Variants in TEX9 observed in about 807,000 individuals in gnomAD.
The protein encoded by TEX9 is testis-expressed protein 9.
In TEX9, 74 loss-of-function variants were observed where a neutral mutation model predicts 59.6. The observed-to-expected ratio is 1.24, with a 90% CI of 1.03 to 1.51. TEX9 has a LOEUF of 1.51. TEX9 is among the 40% of genes most tolerant of loss of function. The probability of loss-of-function intolerance (pLI) is 0.00; values close to 1 mark genes in which losing one functional copy is unlikely to be tolerated. For synonymous variants in TEX9, 186 were observed against 152.2 expected (o/e 1.22, Z -1.64); for missense variants, 522 against 447.8 (o/e 1.17, Z -1.49).
chr15:56,339,390 A>AAAAAAAAAAAAAAAAAAAAAAC (rs2046323692), intron 1 of TEX9, among the ~76,000 whole-genome samples: 1 of 107,000 alleles, frequency 9.3e-6, no homozygotes, highest in African/African-American at 3.6e-5. Context: ...CTCCAAAAAA[A>AAAAAAAAAAAAAAAAAAAAAAC]AAAAAAAAAA....
Position 56,288,508 on chromosome 15 carries a change from T to A in TEX9, c.-107+44230T>A, listed in dbSNP as rs562827037. ...ATTACTGAAGGATACGTCTACCAGA[T>A]ACAGGATTTTTGGTTGGGAGTTTTT... is the stretch of plus-strand genomic sequence containing the variant. On this transcript the variant is annotated intron_variant, in intron 1 of 5. Coordinates refer to the TEX9 transcript ENST00000560827. 9.7e-4 allele frequency among the ~76,000 whole-genome samples: 147 copies of A among 152,142 alleles called. 1 individual carries two copies. Among genetic ancestry groups the A allele is most frequent in the Non-Finnish European group, 1.6e-3 (110 of 67,996 alleles).
rs374933407 is a variant in TEX9, at chr15:56,434,576, T to C, written c.*29+6103T>C. On this transcript the variant is annotated intron_variant, in intron 12 of 12. Coordinates refer to ENST00000352903, the Ensembl canonical transcript of TEX9. ...AAAACTAGCTGGATAAAGAATATGC[T>C]TACATTTGGATTGTTTTCTGTTACT... 1.3e-3 allele frequency among the ~76,000 whole-genome samples: 202 copies of C among 152,240 alleles called. 1 individual carries two copies. The highest frequency in any genetic ancestry group is 4.8e-3 in the African/African-American group (200 of 41,564).
In TEX9 at chr15:56,411,246, G is replaced by A. The variant is rs530822439; in HGVS notation, c.829-1056G>A. Among the ~76,000 whole-genome samples, 129 of 152,308 alleles carry A rather than the reference G, an allele frequency of 8.5e-4. 1 individual carries two copies. Among genetic ancestry groups the A allele is most frequent in the Non-Finnish European group, 1.6e-3 (106 of 68,030 alleles). ...TTCAGTTTAACTAACGTGTGTTAGT[G>A]TCTTTTATATCCCACTGAAGTGCTG... On this transcript the variant is annotated intron_variant, in intron 9 of 12. Coordinates refer to ENST00000352903, the Ensembl canonical transcript of TEX9.
intron 1 of TEX9, among the ~76,000 whole-genome samples, chr15:56,337,915 G>A (rs1392559345): frequency 6.6e-6 from 1 of 152,120 alleles, no homozygotes; most frequent in African/African-American, 2.4e-5. Flanking sequence ...CTTTAAAACT[G>A]GATTCTGATC....
At chr15:56,316,524 C>G (rs1454440503) in intron 1 of TEX9, among the ~76,000 whole-genome samples, 3 of 150,708 alleles carry the variant, frequency 2.0e-5, no homozygotes, top group Non-Finnish European at 3.0e-5. Flanking sequence ...TCTCCAGCTG[C>G]GTGCTGGGAG....
rs1400266887 is a variant in TEX9 at position 56,315,671 on chromosome 15, G to C, written c.-106-57770G>C. On this transcript the variant is annotated intron_variant, in intron 1 of 5. Transcript: ENST00000560827. ...GAGGAGTATCTTTGTGGCGTTCTCT[G>C]TATTTCCTGAATCTGAACGTTGGCC... Among the ~76,000 whole-genome samples the C allele has an allele frequency of 6.4e-4, 92 of 143,730 alleles. 1 individual carries two copies. The highest frequency in any genetic ancestry group is 8.1e-4 in the Non-Finnish European group (52 of 64,264). 94.3% of individuals were successfully genotyped at this position (143,730 alleles called of 152,430 possible). A position where few individuals can be genotyped will look rare whatever the true frequency, so the allele number is the denominator to read the frequency against.
intron 1 of TEX9, among the ~76,000 whole-genome samples, chr15:56,272,007 G>A (rs1485130494): frequency 1.3e-5 from 2 of 152,028 alleles, no homozygotes; most frequent in African/African-American, 4.8e-5. Flanking sequence ...AGCTGGGCAT[G>A]GGGGTGGGCA....
intron 1 of TEX9, among the ~76,000 whole-genome samples, chr15:56,329,053 C>T (rs1371303055): frequency 6.6e-6 from 1 of 151,966 alleles, no homozygotes; most frequent in Non-Finnish European, 1.5e-5. Context: ...GGTGTCACCC[C>T]ACCCCCAGCT....
chr15:56,266,726 T>C (rs904934557), intron 1 of TEX9, among the ~76,000 whole-genome samples: 11 of 152,358 alleles, frequency 7.2e-5, no homozygotes, highest in African/African-American at 1.9e-4. Flanking sequence ...CTGCCTATCA[T>C]TGATGGACAT....
chr15:56,290,135 G>C (rs2045053769), intron 1 of TEX9, among the ~76,000 whole-genome samples: 1 of 152,152 alleles, frequency 6.6e-6, no homozygotes, highest in Non-Finnish European at 1.5e-5. Flanking sequence ...TCTAGGATTG[G>C]AGCACAACTG....
At chr15:56,430,762 G>A (rs1045726401) in intron 12 of TEX9, among the ~76,000 whole-genome samples, 4 of 152,064 alleles carry the variant, frequency 2.6e-5, no homozygotes. Flanking sequence ...CCTATTACTG[G>A]TGTTACCAGT....
At chr15:56,454,715 C>G in the TEX9 span, among the ~76,000 whole-genome samples, 1 of 152,162 alleles carries the variant, frequency 6.6e-6, no homozygotes, top group Non-Finnish European at 1.5e-5. Context: ...TCCTCTTTCA[C>G]CTCTCTACCA....
At chr15:56,376,994 AT>A (rs1336187537) in intron 3 of TEX9, among the ~76,000 whole-genome samples, 1 of 152,164 alleles carries the variant, frequency 6.6e-6, no homozygotes, top group African/African-American at 2.4e-5. Flanking sequence ...TCCCAGCACC[AT>A]TTATTGAAGA....
At chr15:56,284,538 G>T (rs975390723) in intron 1 of TEX9, among the ~76,000 whole-genome samples, 1 of 151,762 alleles carries the variant, frequency 6.6e-6, no homozygotes, top group Non-Finnish European at 1.5e-5. Context: ...TTAAATAATA[G>T]AATTATTATT....
intron 1 of TEX9, among the ~76,000 whole-genome samples, chr15:56,269,293 T>C (rs1359634651): frequency 6.6e-6 from 1 of 152,200 alleles, no homozygotes; most frequent in Non-Finnish European, 1.5e-5. Context: ...ATTGATTTTT[T>C]GAAGGGTTTT....
intron 1 of TEX9, among the ~76,000 whole-genome samples, chr15:56,287,632 C>G (rs2044984685): frequency 1.3e-5 from 2 of 152,054 alleles, no homozygotes. Flanking sequence ...TAAACTTATT[C>G]TTCCTAACTG....
At chr15:56,260,377 T>G (rs561617115) in intron 1 of TEX9, among the ~76,000 whole-genome samples, 1 of 152,260 alleles carries the variant, frequency 6.6e-6, no homozygotes, top group African/African-American at 2.4e-5. Context: ...GTACATAAAC[T>G]TTATCATATT....
intron 3 of TEX9, chr15:56,374,519 A>C (rs563634752): frequency 1.3e-5 from 2 of 152,278 alleles, no homozygotes; most frequent in East Asian, 3.9e-4. Context: ...CATCCCCTCA[A>C]GTATTTATCC....
chr15:56,382,686 C>T (rs986896531), intron 3 of TEX9, among the ~76,000 whole-genome samples: 2 of 152,142 alleles, frequency 1.3e-5, no homozygotes, highest in East Asian at 3.9e-4. Context: ...ATGGTGGCTG[C>T]GTGACTCTGC....
Sources: gnomAD v4.1 joint callset for allele counts (sites outside exome capture counted in the v4.1 genomes callset) on GRCh38, gnomAD v4.1.1 for gene constraint, MANE v1.5 for transcripts, NCBI Gene and HGNC (gene_info 2026-07-23, HGNC 2026-07-21) for gene names.